Variants in RASSF2 observed in about 807,000 individuals in gnomAD.
The protein encoded by RASSF2 is ras association domain-containing protein 2.
A neutral mutation model predicts 46.3 loss-of-function variants in RASSF2; 34 were observed. That is an observed-to-expected ratio of 0.73 (90% CI 0.56 to 0.98). The LOEUF is 0.98. RASSF2 is among the 50% of genes least tolerant of loss of function. The probability of loss-of-function intolerance (pLI) is 0.00; values close to 1 mark genes in which losing one functional copy is unlikely to be tolerated. For synonymous variants in RASSF2, 158 were observed against 162.5 expected (o/e 0.97, Z 0.21); for missense variants, 364 against 431.2 (o/e 0.84, Z 1.38).
At chr20:4,810,707 T>C (rs1267106280) in intron 2 of RASSF2, among the ~76,000 whole-genome samples, 1 of 152,132 alleles carries the variant, frequency 6.6e-6, no homozygotes, top group African/African-American at 2.4e-5. Flanking sequence ...TCCTGAATTG[T>C]CTTTCTGGTT....
intron 2 of RASSF2, among the ~76,000 whole-genome samples, chr20:4,818,903 G>A (rs1056554738): frequency 2.0e-5 from 3 of 152,212 alleles, no homozygotes; most frequent in African/African-American, 4.8e-5. Context: ...CAATATTGCT[G>A]TGAGATACTT....
Position 4,784,358 on chromosome 20 carries a change from A to G in RASSF2, c.912-16T>C, listed in dbSNP as rs1925098227. On this transcript the variant is annotated splice_polypyrimidine_tract_variant and intron_variant, in intron 11 of 11. Coordinates refer to ENST00000379400, the MANE Select transcript of RASSF2 (RefSeq NM_014737.3). ...CACGGTGTACCTGGAGACAAGAAAC[A>G]GGCTCAGATGGAGAGCAGCCAGCAA... is the stretch of plus-strand genomic sequence containing the variant. 1.2e-6 allele frequency: 2 copies of G among 1,612,158 alleles called. No homozygotes were observed. Among genetic ancestry groups the G allele is most frequent in the East Asian group, 2.2e-5 (1 of 44,844 alleles).
intron 3 of RASSF2, among the ~76,000 whole-genome samples, chr20:4,798,847 A>AC (rs1660404633): frequency 9.9e-6 from 1 of 101,490 alleles, no homozygotes; most frequent in East Asian, 3.2e-4. Context: ...CAAACAAACA[A>AC]AAAAAAAAAA....
chr20:4,823,284 AGTGCCCCGC>A (rs1928845622), intron 1 of RASSF2, among the ~76,000 whole-genome samples: 1 of 151,768 alleles, frequency 6.6e-6, no homozygotes, highest in Admixed American at 6.6e-5. Context: ...CCTCGCTCCC[AGTGCCCCGC>A]GCCCCGCGCC....
intron 4 of RASSF2, 123 bp downstream of exon 4, chr20:4,797,886 TA>T: frequency 6.9e-7 from 1 of 1,459,696 alleles, no homozygotes; most frequent in Non-Finnish European, 9.1e-7. Flanking sequence ...GGACTCTCAC[TA>T]GCAACCTAAA....
At chr20:4,822,869 G>A (rs1390819678) in intron 1 of RASSF2, among the ~76,000 whole-genome samples, 3 of 152,142 alleles carry the variant, frequency 2.0e-5, no homozygotes, top group Admixed American at 2.0e-4. Context: ...CACTCTCCAG[G>A]GCTGTCAGGC....
Position 4,781,870 on chromosome 20 carries a change from G to A in RASSF2, c.*2403C>T, listed in dbSNP as rs1228471096. On this transcript the variant is annotated 3_prime_UTR_variant, in exon 12 of 12. Coordinates refer to ENST00000379400, the MANE Select transcript of RASSF2 (RefSeq NM_014737.3). Reference sequence around the variant, plus strand: ...CTGCAAGACCATGTGATACCAGTGAGAAAATCTGCTCCACACTGTGGCAAA... The same window carrying A: ...CTGCAAGACCATGTGATACCAGTGAAAAAATCTGCTCCACACTGTGGCAAA... 6.6e-6 allele frequency: 1 copy of A among 152,236 alleles called. No individual in the cohort carries two copies. Among genetic ancestry groups the A allele is most frequent in the Admixed American group, 6.5e-5 (1 of 15,284 alleles). The allele number at this position is 152,236 out of a possible 1,614,324, so 9.4% of individuals were successfully genotyped here.
intron 3 of RASSF2, among the ~76,000 whole-genome samples, chr20:4,799,423 C>T (rs935694299): frequency 1.3e-5 from 2 of 152,316 alleles, no homozygotes; most frequent in African/African-American, 2.4e-5. Flanking sequence ...GGCCACTGTG[C>T]GCTTTTGTCT....
chr20:4,796,807 A>G (rs1926391925), intron 4 of RASSF2, among the ~76,000 whole-genome samples: 1 of 152,218 alleles, frequency 6.6e-6, no homozygotes, highest in Non-Finnish European at 1.5e-5. Context: ...AAGAACTAAA[A>G]TCTTGCATGG....
chr20:4,797,577 G>T (rs1292722025), intron 4 of RASSF2, among the ~76,000 whole-genome samples: 4 of 106,424 alleles, frequency 3.8e-5, no homozygotes, highest in African/African-American at 1.5e-4. Flanking sequence ...TATCAGTGGG[G>T]ACTCTGCTAA....
chr20:4,821,699 G>A (rs754010406), intron 2 of RASSF2, among the ~76,000 whole-genome samples: 6 of 152,156 alleles, frequency 3.9e-5, no homozygotes, highest in Non-Finnish European at 7.3e-5. Context: ...CACACTCCAC[G>A]TGCCCAGGCA....
rs909837161 is a variant in RASSF2 at position 4,781,236 on chromosome 20, G to T, written c.*3037C>A. 1.3e-5 allele frequency: 2 copies of T among 151,706 alleles called. 1 individual carries two copies. Among genetic ancestry groups the T allele is most frequent in the African/African-American group, 4.8e-5 (2 of 41,298 alleles). The allele number at this position is 151,706 out of a possible 1,614,324, so 9.4% of individuals were successfully genotyped here. A position where few individuals can be genotyped will look rare whatever the true frequency, so the allele number is the denominator to read the frequency against. Reference sequence around the variant, plus strand: ...TGCATGGAAAACAGATATTTTGGGGGGGGCATTATATGCTACCGATATTAG... The same window carrying T: ...TGCATGGAAAACAGATATTTTGGGGTGGGCATTATATGCTACCGATATTAG... On this transcript the variant is annotated 3_prime_UTR_variant, in exon 12 of 12. Coordinates refer to ENST00000379400, the MANE Select transcript of RASSF2 (RefSeq NM_014737.3).
chr20:4,785,416 A>G (rs1925239747), intron 11 of RASSF2, among the ~76,000 whole-genome samples: 1 of 152,212 alleles, frequency 6.6e-6, no homozygotes, highest in Non-Finnish European at 1.5e-5. Flanking sequence ...CAGACTAGTT[A>G]TGATCATCGA....
At chr20:4,817,982 A>G (rs13039769) in intron 2 of RASSF2, among the ~76,000 whole-genome samples, 11,481 of 152,192 alleles carry the variant, frequency 0.075, 824 homozygotes, top group East Asian at 0.37. Context: ...TTCAATAATC[A>G]TTAGCCAGAC....
Position 4,786,326 on chromosome 20 carries a change from C to T in RASSF2, c.816G>A (p.Val272=). 2 of 1,600,290 alleles carry T rather than the reference C, an allele frequency of 1.2e-6. No individual in the cohort carries two copies. The highest frequency in any genetic ancestry group is 1.7e-6 in the Non-Finnish European group (2 of 1,167,478). ...KDQVEEVTYD[V]AQYIKFEMPV... is the part of the protein sequence containing the mutation. ...GCATCTCGAACTTTATATACTGGGC[C>T]ACCTAGAGAGAAAGAAGCAAGTCTG... Residue 272 remains valine (V), a splice_region_variant and synonymous_variant, in exon 11 of 12, where the codon GTG becomes GTA. Transcript: ENST00000379400.
chr20:4,791,310 G>A (rs978372560), intron 6 of RASSF2, among the ~76,000 whole-genome samples: 1 of 152,168 alleles, frequency 6.6e-6, no homozygotes, highest in Non-Finnish European at 1.5e-5. Context: ...AGTTTCACAA[G>A]ATGGAAAGAG....
At chr20:4,804,292 C>T (rs1160361164) in intron 2 of RASSF2, among the ~76,000 whole-genome samples, 11 of 149,918 alleles carry the variant, frequency 7.3e-5, no homozygotes, top group African/African-American at 1.2e-4. Flanking sequence ...TCATGAAAAC[C>T]GGAGTACACA....
At position 4,800,743 on chromosome 20, in the gene RASSF2, C is replaced by T. The variant is rs188433253; in HGVS notation, c.59+229G>A. ...CCCCAAAGTTTCTGCGTCTTGACTTCCCCTTTACTTCACCTCCAGGCCAGG... is the reference window on the plus strand; with the variant it reads ...CCCCAAAGTTTCTGCGTCTTGACTTTCCCTTTACTTCACCTCCAGGCCAGG... On this transcript the variant is annotated intron_variant, in intron 3 of 11. Coordinates refer to ENST00000379400, the MANE Select transcript of RASSF2 (RefSeq NM_014737.3). Among the ~76,000 whole-genome samples the T allele has an allele frequency of 4.2e-3, 637 of 152,238 alleles. 6 individuals carry two copies. Among genetic ancestry groups the T allele is most frequent in the African/African-American group, 0.014 (592 of 41,552 alleles).
intron 2 of RASSF2, among the ~76,000 whole-genome samples, chr20:4,811,989 G>A (rs544049835): frequency 3.3e-5 from 5 of 152,260 alleles, no homozygotes; most frequent in Admixed American, 2.6e-4. Context: ...CAATGGCAGA[G>A]GAGATAGTGA....
Sources: allele counts gnomAD v4.1 joint callset (sites outside exome capture counted in the v4.1 genomes callset), GRCh38; gene constraint gnomAD v4.1.1; transcripts MANE v1.5; gene names NCBI Gene and HGNC (gene_info 2026-07-23, HGNC 2026-07-21).